RASSF3: variants seen among roughly 807,000 people sequenced by gnomAD.
RASSF3 encodes the protein ras association domain-containing protein 3.
In RASSF3, 19 loss-of-function variants were observed where a neutral mutation model predicts 19.9. The observed-to-expected ratio is 0.96, with a 90% CI of 0.67 to 1.40. The LOEUF is 1.40. Among genes scored for constraint, RASSF3 ranks in the 40% most tolerant of loss-of-function variants. RASSF3 has a pLI of 0.00. For missense variants in RASSF3, 306 were observed against 289.8 expected (o/e 1.06, Z -0.41); for synonymous variants, 110 against 104.2 (o/e 1.06, Z -0.34).
intron 1 of RASSF3, among the ~76,000 whole-genome samples, chr12:64,611,229 C>G (rs1200036209): frequency 2.0e-5 from 3 of 152,188 alleles, no homozygotes; most frequent in Non-Finnish European, 4.4e-5. Flanking sequence ...CTTCCTGGCC[C>G]GGGCGACCTG....
intron 1 of RASSF3, among the ~76,000 whole-genome samples, chr12:64,667,090 C>T (rs1872555801): frequency 6.6e-6 from 1 of 151,244 alleles, no homozygotes; most frequent in Non-Finnish European, 1.5e-5. Context: ...GGCAGGTCTG[C>T]AAGAAATGGG....
At chr12:64,657,107 T>G (rs1171814470) in intron 1 of RASSF3, among the ~76,000 whole-genome samples, 1 of 151,872 alleles carries the variant, frequency 6.6e-6, no homozygotes, top group Non-Finnish European at 1.5e-5. Context: ...TCAACCAGGT[T>G]CAAGCGATTT....
At chr12:64,675,119 C>G (rs1872849669) in intron 1 of RASSF3, among the ~76,000 whole-genome samples, 1 of 126,922 alleles carries the variant, frequency 7.9e-6, no homozygotes, top group Non-Finnish European at 1.6e-5. Context: ...GTTAAAGTTT[C>G]AAGTTCAACA....
In RASSF3 at chr12:64,601,839, C is replaced by T. The variant is rs753650276; in HGVS notation, c.294+60134C>T. Reference sequence around the variant, plus strand: ...TAAAAATAATTAAGAAATATAAGGCCGGGTGCAGTGGATCATGCCTGTAAT... The same window carrying T: ...TAAAAATAATTAAGAAATATAAGGCTGGGTGCAGTGGATCATGCCTGTAAT... On this transcript the variant is annotated intron_variant, in intron 2 of 5. Transcript: ENST00000637125. Among the ~76,000 whole-genome samples the T allele has an allele frequency of 2.6e-5, 4 of 150,998 alleles. No homozygotes were observed. The South Asian group carries it at 8.4e-4, about 32-fold the overall frequency.
chr12:64,660,429 G>A (rs560281903), intron 1 of RASSF3, among the ~76,000 whole-genome samples: 13 of 152,138 alleles, frequency 8.5e-5, no homozygotes, highest in Non-Finnish European at 1.6e-4. Flanking sequence ...GTAAGGGTGT[G>A]TACACTGAGA....
chr12:64,521,498 A>G (rs773677849), intron 1 of RASSF3, among the ~76,000 whole-genome samples: 2 of 152,350 alleles, frequency 1.3e-5, no homozygotes, highest in East Asian at 1.9e-4. Context: ...GGCCAAAACT[A>G]AAGTCAGAGA....
chr12:64,687,255 G>C (rs909245765), intron 2 of RASSF3, among the ~76,000 whole-genome samples: 1 of 151,990 alleles, frequency 6.6e-6, no homozygotes, highest in African/African-American at 2.4e-5. Context: ...GCTCGCCTCG[G>C]CCTCCCAAAG....
At chr12:64,617,550 G>A (rs934204867) in intron 1 of RASSF3, among the ~76,000 whole-genome samples, 6 of 152,140 alleles carry the variant, frequency 3.9e-5, no homozygotes, top group Non-Finnish European at 5.9e-5. Flanking sequence ...GTGTGGTAAA[G>A]CTATACATTG....
chr12:64,663,222 G>A (rs542417368), intron 1 of RASSF3, among the ~76,000 whole-genome samples: 3 of 152,010 alleles, frequency 2.0e-5, no homozygotes, highest in Non-Finnish European at 4.4e-5. Context: ...CGGGAACCTC[G>A]GATGTGTTAC....
intron 2 of RASSF3, among the ~76,000 whole-genome samples, chr12:64,570,565 C>T (rs999896445): frequency 6.6e-6 from 1 of 152,146 alleles, no homozygotes; most frequent in South Asian, 2.1e-4. Context: ...CCTTCTTTGT[C>T]AAGCCACTGT....
chr12:64,622,765 C>A (rs573959618), intron 1 of RASSF3, among the ~76,000 whole-genome samples: 1 of 151,462 alleles, frequency 6.6e-6, no homozygotes, highest in South Asian at 2.1e-4. Flanking sequence ...GATTATGAGC[C>A]CTCCTTAATC....
intron 1 of RASSF3, among the ~76,000 whole-genome samples, chr12:64,528,267 C>T (rs1158752153): frequency 6.6e-6 from 1 of 152,098 alleles, no homozygotes; most frequent in Non-Finnish European, 1.5e-5. Context: ...AACACAAGAC[C>T]CTGTCTCAAA....
Position 64,697,059 on chromosome 12 carries a change from A to AT in RASSF3, c.*2147_*2148insT. On this transcript the variant is annotated 3_prime_UTR_variant, in exon 5 of 5. Coordinates refer to ENST00000542104, the MANE Select transcript of RASSF3 (RefSeq NM_178169.4). ...AAGTAGTAGCTGATGGGTATCTGTGAATTTTTTTTTTTTTTTTTTTTTTAC... is the reference window on the plus strand; with the variant it reads ...AAGTAGTAGCTGATGGGTATCTGTGATATTTTTTTTTTTTTTTTTTTTTTAC... 6.8e-6 allele frequency: 1 copy of AT among 147,906 alleles called. No individual in the cohort carries two copies. The highest frequency in any genetic ancestry group is 2.5e-5 in the African/African-American group (1 of 39,690). The allele number at this position is 147,906 out of a possible 1,614,324, so 9.2% of individuals were successfully genotyped here.
chr12:64,520,555 CATATATATATATATAT>C (rs66975333), intron 1 of RASSF3, among the ~76,000 whole-genome samples: 3,226 of 86,350 alleles, frequency 0.037, 72 homozygotes, highest in Non-Finnish European at 0.049. Context: ...CACATACACA[CATATATATATATATAT>C]ATATATATAT....
intron 1 of RASSF3, among the ~76,000 whole-genome samples, chr12:64,669,624 C>T (rs1454853083): frequency 1.3e-5 from 2 of 151,958 alleles, no homozygotes; most frequent in African/African-American, 4.8e-5. Context: ...TACTTTAGCA[C>T]GTTTCCAGTC....
chr12:64,550,081 A>G (rs1024458195), intron 2 of RASSF3, among the ~76,000 whole-genome samples: 4 of 152,262 alleles, frequency 2.6e-5, no homozygotes, highest in Middle Eastern at 6.8e-3. Context: ...GATTTTATCT[A>G]TAGTCTCAGC....
intron 2 of RASSF3, among the ~76,000 whole-genome samples, chr12:64,599,818 G>T (rs950157925): frequency 1.3e-5 from 2 of 151,902 alleles, no homozygotes; most frequent in Non-Finnish European, 2.9e-5. Flanking sequence ...GAATCACGAG[G>T]TCAGGAGATC....
chr12:64,541,004 T>G (rs200463860), intron 1 of RASSF3, among the ~76,000 whole-genome samples: 1 of 148,988 alleles, frequency 6.7e-6, no homozygotes, highest in Admixed American at 6.7e-5. Context: ...TTTTTTTTTC[T>G]AAGTAAGGCC....
chr12:64,552,901 G>A (rs974384077), intron 2 of RASSF3, among the ~76,000 whole-genome samples: 29 of 151,468 alleles, frequency 1.9e-4, no homozygotes, highest in African/African-American at 5.3e-4. Flanking sequence ...ACCGGCCTCC[G>A]TCCTTATTTT....
Sources: allele counts gnomAD v4.1 joint callset (sites outside exome capture counted in the v4.1 genomes callset), GRCh38; gene constraint gnomAD v4.1.1; transcripts MANE v1.5; gene names NCBI Gene and HGNC (gene_info 2026-07-23, HGNC 2026-07-21).